RYR1: variants seen among roughly 807,000 people sequenced by gnomAD.
RYR1 encodes central core disease of muscle.
Under a neutral mutation model 583.5 loss-of-function variants are expected in RYR1, and 342 were observed. The ratio of observed to expected loss-of-function variants is 0.59; its 90% confidence interval spans 0.54 to 0.64. RYR1 has a LOEUF of 0.64. Ranked by LOEUF, RYR1 falls within the 30% of genes least tolerant of loss-of-function variation. The pLI is 0.00. For synonymous variants in RYR1, 2,791 were observed against 2,822.5 expected, an observed-to-expected ratio of 0.99 and a Z score of 0.35; for missense variants, 6,032 against 6,917.2, an observed-to-expected ratio of 0.87 and a Z score of 4.54.
At chr19:38,585,248 C>T (rs1187642656) in intron 102 of RYR1, 149 bp downstream of exon 102, 1 of 926,636 alleles carries the variant, frequency 1.1e-6, no homozygotes, top group East Asian at 2.7e-5. Flanking sequence ...CTCGGGGCCT[C>T]CGTTTCTCCA....
intron 47 of RYR1, among the ~76,000 whole-genome samples, 174 bp downstream of exon 47, chr19:38,501,164 T>C (rs1356366605): frequency 9.9e-5 from 15 of 152,252 alleles, no homozygotes. Context: ...TGAATTCCGA[T>C]GAAGGGTGAG....
At chr19:38,437,208 G>A (rs1972467125) in intron 1 of RYR1, among the ~76,000 whole-genome samples, 1 of 151,678 alleles carries the variant, frequency 6.6e-6, no homozygotes, top group Non-Finnish European at 1.5e-5. Flanking sequence ...GCACCACTAC[G>A]CCCGGCTAAT....
At position 38,519,492 on chromosome 19, in the gene RYR1, G is replaced by A. The variant is rs192163251; in HGVS notation, c.10259+38G>A. The A allele has an allele frequency of 2.1e-4, 322 of 1,564,754 alleles. 2 individuals carry two copies. In the East Asian group the frequency reaches 4.3e-3, roughly 21 times the overall value. On this transcript the variant is annotated intron_variant, in intron 67 of 105. Coordinates refer to ENST00000359596, the MANE Select transcript of RYR1 (RefSeq NM_000540.3). ...CCGCTGTCCCCATGCCCTCCGCCCC[G>A]ACCTCCCACGTCCTCCAGCCCCATC...
chr19:38,572,376 C>T, intron 95 of RYR1, 106 bp downstream of exon 95: 2 of 1,216,580 alleles, frequency 1.6e-6, no homozygotes, highest in Non-Finnish European at 1.1e-6. Context: ...GTGGTTGGGA[C>T]AGAGGGGGCC....
At chr19:38,486,606 G>C (rs1969311375) in intron 34 of RYR1, among the ~76,000 whole-genome samples, 1 of 152,190 alleles carries the variant, frequency 6.6e-6, no homozygotes, top group African/African-American at 2.4e-5. Context: ...CTCCCAAAGT[G>C]CTGGGATTAC....
At position 38,561,001 on chromosome 19, in the gene RYR1, A is replaced by T; in HGVS notation, c.12283-112A>T. 1 of 964,574 alleles carries T rather than the reference A, an allele frequency of 1.0e-6. No individual in the cohort carries two copies. Among genetic ancestry groups the T allele is most frequent in the Non-Finnish European group, 1.6e-6 (1 of 639,986 alleles). The allele number at this position is 964,574 out of a possible 1,614,324, so 59.8% of individuals were successfully genotyped here. On this transcript the variant is annotated intron_variant, in intron 89 of 105. Transcript: ENST00000359596. The surrounding 1 kb of genome is among the most constrained non-coding windows in gnomAD (Gnocchi z 4.8). ...GGCTGGGTTGAGCTGTGATTGCGCCACTGCACTCCAGCCTGGGCGACACAG... is the reference window on the plus strand; with the variant it reads ...GGCTGGGTTGAGCTGTGATTGCGCCTCTGCACTCCAGCCTGGGCGACACAG...
At chr19:38,503,183 C>T (rs1212781816) in intron 49 of RYR1, among the ~76,000 whole-genome samples, 1 of 152,156 alleles carries the variant, frequency 6.6e-6, no homozygotes, top group Non-Finnish European at 1.5e-5. Context: ...CTCTAGCGTT[C>T]CCTAATTAGC....
In RYR1 at chr19:38,444,719, A is replaced by C; in HGVS notation, c.631+42A>C. 6.9e-7 allele frequency: 1 copy of C among 1,453,700 alleles called. No individual in the cohort carries two copies. Among genetic ancestry groups the C allele is most frequent in the Non-Finnish European group, 9.6e-7 (1 of 1,044,164 alleles). The allele number at this position is 1,453,700 out of a possible 1,614,324, so 90.1% of individuals were successfully genotyped here. A position where few individuals can be genotyped will look rare whatever the true frequency, so the allele number is the denominator to read the frequency against. On this transcript the variant is annotated intron_variant, in intron 7 of 105. Transcript: ENST00000359596. The surrounding 1 kb of genome is among the most constrained non-coding windows in gnomAD (Gnocchi z 5.1). ...TCCCCCTAAATGGAGATCCCCCCAA[A>C]ACAGACCCTTAATGTTGCCCTTCAG...
chr19:38,529,107 A>AT (rs755411624), intron 76 of RYR1, 50 bp downstream of exon 76: 5 of 1,578,028 alleles, frequency 3.2e-6, no homozygotes, highest in Non-Finnish European at 3.5e-6. Flanking sequence ...TCCTGGGGCC[A>AT]CCCCCAGCCC....
At position 38,565,564 on chromosome 19, in the gene RYR1, G is replaced by A. The variant is rs942942261; in HGVS notation, c.13230G>A (p.Glu4410=). Residue 4410 remains glutamate, a synonymous_variant, in exon 91 of 106, where the codon GAG becomes GAA. Transcript: ENST00000359596. The surrounding 1 kb of genome is among the most constrained non-coding windows in gnomAD (Gnocchi z 4.7). ...GGDADGEGAS[E]GAGDAAEGAG... ...ACGCAGACGGCGAGGGTGCCAGCGA[G>A]GGCGCTGGAGACGCCGCGGAGGGCG... The A allele has an allele frequency of 1.4e-6, 2 of 1,477,898 alleles. No individual in the cohort carries two copies. The highest frequency in any genetic ancestry group is 2.9e-5 in the African/African-American group (2 of 68,284). 91.5% of individuals were successfully genotyped at this position (1,477,898 alleles called of 1,614,324 possible). A position where few individuals can be genotyped will look rare whatever the true frequency, so the allele number is the denominator to read the frequency against.
At chr19:38,503,513 C>G (rs1273645548) in intron 49 of RYR1, among the ~76,000 whole-genome samples, 3 of 152,224 alleles carry the variant, frequency 2.0e-5, no homozygotes, top group Non-Finnish European at 2.9e-5. Context: ...TGGCTCACGC[C>G]TGTAATCCCA....
chr19:38,454,009 C>A (rs1318525916), intron 13 of RYR1, among the ~76,000 whole-genome samples: 1 of 152,130 alleles, frequency 6.6e-6, no homozygotes, highest in Non-Finnish European at 1.5e-5. Flanking sequence ...CTGATCTAGG[C>A]CCCAGGATGC....
chr19:38,586,431 G>A, intron 104 of RYR1, 94 bp from the exon 105 acceptor site: 1 of 1,347,512 alleles, frequency 7.4e-7, no homozygotes. Context: ...GACCAGCTTG[G>A]GCAACATAGC....
chr19:38,534,870 C>T, intron 79 of RYR1, 51 bp downstream of exon 79: 1 of 1,558,198 alleles, frequency 6.4e-7, no homozygotes, highest in East Asian at 2.3e-5. Context: ...ATCCTAACCT[C>T]ACTCCTCCTG....
chr19:38,585,525 G>C (rs935440049), intron 102 of RYR1, among the ~76,000 whole-genome samples: 1 of 150,926 alleles, frequency 6.6e-6, no homozygotes, highest in Non-Finnish European at 1.5e-5. Flanking sequence ...CCGGGCCAGA[G>C]TTCAGTGGTG....
At chr19:38,462,499 C>A (rs572799805) in intron 20 of RYR1, among the ~76,000 whole-genome samples, 16 of 152,078 alleles carry the variant, frequency 1.1e-4, no homozygotes, top group African/African-American at 3.6e-4. Flanking sequence ...ATCCCCCCGA[C>A]CCCGCTTTCC....
chr19:38,586,816 C>T (rs1974512536), intron 105 of RYR1, among the ~76,000 whole-genome samples: 1 of 152,106 alleles, frequency 6.6e-6, no homozygotes, highest in African/African-American at 2.4e-5. Flanking sequence ...ACTAAAAATG[C>T]AAAGATTAGC....
At chr19:38,538,846 A>C (rs929657612) in intron 84 of RYR1, among the ~76,000 whole-genome samples, 1 of 152,224 alleles carries the variant, frequency 6.6e-6, no homozygotes, top group African/African-American at 2.4e-5. Context: ...ATGCAGTCTC[A>C]TGCAGCAAAC....
chr19:38,500,701 A>ACTG lies in RYR1; in HGVS notation c.7421_7423dup (p.Leu2474dup), dbSNP rs986360039. The ACTG allele has an allele frequency of 3.1e-6, 5 of 1,614,012 alleles. No homozygotes were observed. Among genetic ancestry groups the ACTG allele is most frequent in the Non-Finnish European group, 8.5e-7 (1 of 1,180,022 alleles). On this transcript the variant is annotated inframe_insertion, in exon 46 of 106. Transcript: ENST00000359596. The surrounding 1 kb of genome is among the most constrained non-coding windows in gnomAD (Gnocchi z 5.9). ...ACCTTGTGGGCATCATCAGCCTCCC[A>ACTG]CTGCAGATTCCCACCCTGGGCAAAG... is the stretch of plus-strand genomic sequence containing the variant.
Sources: allele counts gnomAD v4.1 joint callset (sites outside exome capture counted in the v4.1 genomes callset), GRCh38; gene constraint gnomAD v4.1.1; non-coding constraint Gnocchi (gnomAD v3.1); transcripts MANE v1.5; gene names NCBI Gene and HGNC (gene_info 2026-07-23, HGNC 2026-07-21).